Variants in MED15 observed in about 807,000 individuals in gnomAD.
MED15 encodes mediator of RNA polymerase II transcription subunit 15.
A neutral mutation model predicts 118.7 loss-of-function variants in MED15; 41 were observed. That is an observed-to-expected ratio of 0.35 (90% CI 0.27 to 0.45). The LOEUF (loss-of-function observed/expected upper bound fraction) is 0.45, where lower values mean the gene tolerates loss of function less well. Among genes scored for constraint, MED15 ranks in the 20% least tolerant of loss-of-function variants. MED15 has a pLI of 1.00. For synonymous variants in MED15, 436 were observed against 413.9 expected, an observed-to-expected ratio of 1.05 and a Z score of -0.65; for missense variants, 740 against 1,025.5, an observed-to-expected ratio of 0.72 and a Z score of 3.80.
In MED15 at chr22:20,587,597, A is replaced by C; in HGVS notation, c.*893A>C. On this transcript the variant is annotated 3_prime_UTR_variant, in exon 18 of 18. Transcript: ENST00000263205. ...GCACTACCCCACCATCTGTGATTAT[A>C]ATAAATTTATTATTCCTGTGTTTGT... 4.3e-6 allele frequency: 2 copies of C among 466,710 alleles called. No individual in the cohort carries two copies. Among genetic ancestry groups the C allele is most frequent in the Non-Finnish European group, 6.9e-6 (2 of 289,700 alleles). The allele number at this position is 466,710 out of a possible 1,614,324, so 28.9% of individuals were successfully genotyped here. A position where few individuals can be genotyped will look rare whatever the true frequency, so the allele number is the denominator to read the frequency against.
At chr22:20,584,497 G>A in intron 14 of MED15, 72 bp downstream of exon 14, 1 of 1,531,878 alleles carries the variant, frequency 6.5e-7, no homozygotes, top group Non-Finnish European at 9.0e-7. Context: ...CTGCTGAGAG[G>A]GCCTTCAAGG....
chr22:20,582,572 G>A, intron 9 of MED15, 39 bp from the exon 10 acceptor site: 2 of 1,535,894 alleles, frequency 1.3e-6, no homozygotes, highest in Middle Eastern at 1.8e-4. Context: ...AGGCGGGCGG[G>A]CGTGTGGCAG....
intron 8 of MED15, among the ~76,000 whole-genome samples, chr22:20,573,259 T>C (rs1224159694): frequency 6.6e-6 from 1 of 152,234 alleles, no homozygotes; most frequent in African/African-American, 2.4e-5. Context: ...TAAGCCACTG[T>C]GCCTGGCCAT....
chr22:20,583,224 TCAA>T lies in MED15; in HGVS notation c.1653_1655del (p.Asn551del). 6.2e-7 allele frequency: 1 copy of T among 1,611,674 alleles called. No individual in the cohort carries two copies. The highest frequency in any genetic ancestry group is 8.5e-7 in the Non-Finnish European group (1 of 1,178,546). ...TACATCGAGCCCCTGCGCCGCATGA[TCAA>T]CAAGATCGACAAGAACGAAGGTAGG... On this transcript the variant is annotated inframe_deletion, in exon 12 of 18. Transcript: ENST00000263205.
chr22:20,558,757 C>G (rs1569219029), intron 5 of MED15, among the ~76,000 whole-genome samples: 1 of 152,028 alleles, frequency 6.6e-6, no homozygotes, highest in Non-Finnish European at 1.5e-5. Flanking sequence ...CCTGTGTCAC[C>G]CCCCATACCC....
chr22:20,549,045 C>A (rs952891274), intron 2 of MED15, among the ~76,000 whole-genome samples: 4 of 152,236 alleles, frequency 2.6e-5, no homozygotes, highest in African/African-American at 9.7e-5. Context: ...AAGGGACCCT[C>A]CTGCCTTGGC....
At chr22:20,562,626 C>G (rs557604861) in intron 5 of MED15, among the ~76,000 whole-genome samples, 1 of 152,198 alleles carries the variant, frequency 6.6e-6, no homozygotes, top group African/African-American at 2.4e-5. Context: ...AAGTGATCCT[C>G]CTGCCTGAGC....
intron 1 of MED15, among the ~76,000 whole-genome samples, chr22:20,511,933 C>T (rs1328948432): frequency 2.0e-5 from 3 of 150,312 alleles, no homozygotes; most frequent in Non-Finnish European, 4.4e-5. Flanking sequence ...ATCTCTTCTC[C>T]TACCCCCACC....
intron 1 of MED15, among the ~76,000 whole-genome samples, chr22:20,531,655 A>C (rs1401545613): frequency 6.6e-6 from 1 of 152,230 alleles, no homozygotes; most frequent in Non-Finnish European, 1.5e-5. Flanking sequence ...GTCGTGTCCC[A>C]TCAAAATGCA....
chr22:20,518,427 T>C (rs2054329575), intron 1 of MED15, among the ~76,000 whole-genome samples: 1 of 152,212 alleles, frequency 6.6e-6, no homozygotes, highest in Non-Finnish European at 1.5e-5. Context: ...TTCTGGATGC[T>C]GTAGTGTCTG....
chr22:20,581,378 A>G (rs990298684), intron 9 of MED15, among the ~76,000 whole-genome samples: 1 of 152,144 alleles, frequency 6.6e-6, no homozygotes, highest in Non-Finnish European at 1.5e-5. Flanking sequence ...CAGCTGTCCT[A>G]TCCCAGTACT....
Position 20,586,623 on chromosome 22 carries a change from GCTC to G in MED15, c.2288_2290del (p.Leu763del). ...GCTGCATGACCTCCAGGCTGCTGCA[GCTC>G]CCGGACAAGCACTCGGTCACCGCCT... is the stretch of plus-strand genomic sequence containing the variant. On this transcript the variant is annotated inframe_deletion, in exon 18 of 18. Transcript: ENST00000263205. The G allele has an allele frequency of 1.9e-6, 3 of 1,613,042 alleles. No homozygotes were observed. The highest frequency in any genetic ancestry group is 2.5e-6 in the Non-Finnish European group (3 of 1,179,976).
In MED15 at chr22:20,568,581, A is replaced by G; in HGVS notation, c.1102A>G (p.Thr368Ala). ...PVQPQVQQQQ[T>A]AVQTAQAAQM... ...GCAGCCCCAGGTGCAGCAGCAGCAG[A>G]CAGCAGTACAGACAGCTCAGGCTGC... The change falls in exon 8 of 18, where the codon ACA becomes GCA. Residue 368 changes from threonine to alanine, a missense_variant. Thr to Ala is a moderately conservative substitution (Grantham distance 58). Around this residue, in one of 7 missense-constraint regions of MED15, gnomAD observed 384 missense variants for 506.3 expected, o/e 0.76. Transcript: ENST00000263205. 6.2e-7 allele frequency: 1 copy of G among 1,613,904 alleles called. No individual in the cohort carries two copies.
intron 5 of MED15, among the ~76,000 whole-genome samples, chr22:20,559,432 A>G (rs893443207): frequency 1.2e-4 from 19 of 152,212 alleles, no homozygotes; most frequent in Non-Finnish European, 2.1e-4. Context: ...AAATGAGGAT[A>G]AGATCAGAAA....
chr22:20,544,632 C>T (rs563469730), intron 2 of MED15, among the ~76,000 whole-genome samples: 1 of 152,274 alleles, frequency 6.6e-6, no homozygotes, highest in East Asian at 1.9e-4. Flanking sequence ...CGGCACTGCA[C>T]ACCAGCCTGG....
chr22:20,548,089 T>C (rs912739583), intron 2 of MED15, among the ~76,000 whole-genome samples: 3 of 152,198 alleles, frequency 2.0e-5, no homozygotes, highest in Admixed American at 6.5e-5. Context: ...GCAATACTCC[T>C]ACTTTATCCT....
intron 7 of MED15, among the ~76,000 whole-genome samples, chr22:20,567,311 T>C (rs1296122886): frequency 6.6e-6 from 1 of 152,258 alleles, no homozygotes; most frequent in Non-Finnish European, 1.5e-5. Flanking sequence ...AATACTGTTA[T>C]TCCTAGTTTC....
At chr22:20,557,121 G>A (rs2056044910) in intron 5 of MED15, among the ~76,000 whole-genome samples, 1 of 152,116 alleles carries the variant, frequency 6.6e-6, no homozygotes, top group Non-Finnish European at 1.5e-5. Flanking sequence ...CATCCCTCAT[G>A]ATAACCCTAT....
intron 1 of MED15, among the ~76,000 whole-genome samples, chr22:20,509,325 G>A (rs752769047): frequency 2.6e-5 from 4 of 152,238 alleles, no homozygotes; most frequent in Admixed American, 6.5e-5. Context: ...ATGGATGCAG[G>A]GCAGAGAAGA....
Sources: gnomAD v4.1 joint callset for allele counts (sites outside exome capture counted in the v4.1 genomes callset) on GRCh38, gnomAD v4.1.1 for gene constraint, gnomAD v4.1.1 regional missense constraint, MANE v1.5 for transcripts, NCBI Gene and HGNC (gene_info 2026-07-23, HGNC 2026-07-21) for gene names.